CACNA1C: variants seen among roughly 807,000 people sequenced by gnomAD.
CACNA1C encodes the protein calcium voltage-gated channel subunit alpha1 C.
A neutral mutation model predicts 229.0 loss-of-function variants in CACNA1C; 30 were observed. That is an observed-to-expected ratio of 0.13 (90% CI 0.10 to 0.18). The LOEUF (loss-of-function observed/expected upper bound fraction) is 0.18. Ranked by LOEUF, CACNA1C falls within the 10% of genes least tolerant of loss-of-function variation. The pLI is 1.00. For missense variants in CACNA1C, 1,658 were observed against 2,845.0 expected (o/e 0.58, Z 9.49); for synonymous variants, 1,114 against 1,132.5 (o/e 0.98, Z 0.33).
chr12:2,444,952 AT>A (rs2099263894), intron 3 of CACNA1C, among the ~76,000 whole-genome samples: 1 of 152,176 alleles, frequency 6.6e-6, no homozygotes, highest in South Asian at 2.1e-4. Flanking sequence ...TCACCAGGTC[AT>A]TCCCATTCTC....
At chr12:2,492,487 T>C (rs1434291610) in intron 6 of CACNA1C, among the ~76,000 whole-genome samples, 2 of 152,234 alleles carry the variant, frequency 1.3e-5, no homozygotes, top group South Asian at 2.1e-4. Context: ...AAGTCCCACA[T>C]GACATGCATG....
intron 3 of CACNA1C, among the ~76,000 whole-genome samples, chr12:2,128,258 G>T (rs941395941): frequency 1.3e-5 from 2 of 152,112 alleles, no homozygotes; most frequent in Non-Finnish European, 2.9e-5. Context: ...GTGTAGGGTC[G>T]CTGTGAGTAT....
At chr12:2,680,459 C>G in intron 42 of CACNA1C, 1 of 1,563,416 alleles carries the variant, frequency 6.4e-7, no homozygotes, top group Non-Finnish European at 8.7e-7. Context: ...TCCAGGGTTC[C>G]CTGGCGGGGC....
At chr12:2,565,194 C>G (rs565170067) in intron 11 of CACNA1C, among the ~76,000 whole-genome samples, 3 of 151,986 alleles carry the variant, frequency 2.0e-5, no homozygotes, top group Non-Finnish European at 4.4e-5. Flanking sequence ...CCCGGCCGGG[C>G]GCGGTGGCTC....
chr12:2,213,491 C>T (rs989039310), intron 3 of CACNA1C, among the ~76,000 whole-genome samples: 6 of 152,102 alleles, frequency 3.9e-5, no homozygotes, highest in African/African-American at 9.7e-5. Flanking sequence ...GACATCTAGA[C>T]GGGGGAAGAA....
intron 3 of CACNA1C, among the ~76,000 whole-genome samples, chr12:2,320,408 G>A (rs987853412): frequency 5.3e-5 from 8 of 152,196 alleles, no homozygotes; most frequent in African/African-American, 1.7e-4. Context: ...ATACCAACAC[G>A]TCCTAGTCCA....
At chr12:2,424,249 AG>A (rs2099006950) in intron 3 of CACNA1C, among the ~76,000 whole-genome samples, 1 of 152,160 alleles carries the variant, frequency 6.6e-6, no homozygotes, top group Non-Finnish European at 1.5e-5. Flanking sequence ...GACTCAGTGA[AG>A]GCATTCAGAA....
intron 3 of CACNA1C, among the ~76,000 whole-genome samples, chr12:2,178,092 C>T (rs1156245554): frequency 1.3e-5 from 2 of 152,188 alleles, no homozygotes; most frequent in Non-Finnish European, 2.9e-5. Context: ...AGGAAGGACA[C>T]AGTGAAGGAA....
chr12:2,051,917 T>C (rs1390247861), upstream of CACNA1C, among the ~76,000 whole-genome samples: 1 of 152,088 alleles, frequency 6.6e-6, no homozygotes, highest in Non-Finnish European at 1.5e-5. Context: ...GCCACGGGAA[T>C]GGTTAGGGTC....
At chr12:2,349,254 A>T (rs79455884) in intron 3 of CACNA1C, among the ~76,000 whole-genome samples, 24 of 152,324 alleles carry the variant, frequency 1.6e-4, no homozygotes, top group Non-Finnish European at 2.9e-4. Flanking sequence ...TGTGGCCAGC[A>T]TGAAGTCCCA....
chr12:2,426,024 G>C (rs1426526423), intron 3 of CACNA1C, among the ~76,000 whole-genome samples: 2 of 152,150 alleles, frequency 1.3e-5, no homozygotes, highest in African/African-American at 2.4e-5. Flanking sequence ...CATTTGTGGT[G>C]GGACTGAGAA....
chr12:2,485,434 C>T (rs2099693944), intron 5 of CACNA1C, among the ~76,000 whole-genome samples: 1 of 152,168 alleles, frequency 6.6e-6, no homozygotes, highest in Non-Finnish European at 1.5e-5. Context: ...GTAAGGGGGG[C>T]CTTCTCCCCA....
intron 3 of CACNA1C, among the ~76,000 whole-genome samples, chr12:2,377,093 G>T (rs1356346435): frequency 6.6e-6 from 1 of 152,152 alleles, no homozygotes; most frequent in African/African-American, 2.4e-5. Flanking sequence ...AGCTGGCGTG[G>T]TATTTGAGGA....
intron 3 of CACNA1C, among the ~76,000 whole-genome samples, chr12:2,148,192 A>G (rs936966191): frequency 1.3e-5 from 2 of 151,374 alleles, no homozygotes; most frequent in Admixed American, 6.6e-5. Flanking sequence ...ACACAACCAC[A>G]GAAATCTCTG....
chr12:2,048,231 T>C (rs761182574), upstream of CACNA1C: 6 of 152,236 alleles, frequency 3.9e-5, no homozygotes, highest in African/African-American at 7.2e-5. Flanking sequence ...CTTAGTGAAG[T>C]TGACCTAATG....
chr12:1,998,336 A>G (rs2041422722), intron 1 of CACNA1C, among the ~76,000 whole-genome samples: 1 of 152,238 alleles, frequency 6.6e-6, no homozygotes, highest in African/African-American at 2.4e-5. Context: ...CACACTGGGT[A>G]TAGAGAAAGC....
chr12:2,610,773 C>A, intron 28 of CACNA1C, 74 bp downstream of exon 28: 1 of 1,474,558 alleles, frequency 6.8e-7, no homozygotes, highest in Non-Finnish European at 9.4e-7. Flanking sequence ...TGTAACGGAG[C>A]GGCAGGCAGC....
At chr12:2,104,122 C>T (rs535701730) in intron 1 of CACNA1C, among the ~76,000 whole-genome samples, 31 of 152,264 alleles carry the variant, frequency 2.0e-4, no homozygotes, top group East Asian at 9.6e-4. Flanking sequence ...GGAAAGTCAA[C>T]GGTAGCTTGA....
chr12:2,268,455 T>C (rs1239953457), intron 3 of CACNA1C, among the ~76,000 whole-genome samples: 1 of 152,084 alleles, frequency 6.6e-6, no homozygotes, highest in South Asian at 2.1e-4. Flanking sequence ...CTTTGGAAAA[T>C]TGTGTCTTTT....
Sources: gnomAD v4.1 joint callset for allele counts (sites outside exome capture counted in the v4.1 genomes callset) on GRCh38, gnomAD v4.1.1 for gene constraint, MANE v1.5 for transcripts, NCBI Gene and HGNC (gene_info 2026-07-23, HGNC 2026-07-21) for gene names.